ADGRF5: variants seen among roughly 807,000 people sequenced by gnomAD.
ADGRF5 encodes the protein adhesion G protein-coupled receptor F5, also known as G-protein coupled receptor 116.
Under a neutral mutation model 132.3 loss-of-function variants are expected in ADGRF5, and 75 were observed. The observed-to-expected ratio is 0.57, with a 90% CI of 0.47 to 0.69. The LOEUF is 0.69. Ranked by LOEUF, ADGRF5 falls within the 30% of genes least tolerant of loss-of-function variation. The probability of loss-of-function intolerance (pLI) is 0.00; values close to 1 mark genes in which losing one functional copy is unlikely to be tolerated. For synonymous variants in ADGRF5, 629 were observed against 597.6 expected, an observed-to-expected ratio of 1.05 and a Z score of -0.77; for missense variants, 1,516 against 1,630.6, an observed-to-expected ratio of 0.93 and a Z score of 1.21.
intron 16 of ADGRF5, among the ~76,000 whole-genome samples, chr6:46,860,299 C>T (rs755248515): frequency 1.3e-5 from 2 of 152,156 alleles, no homozygotes; most frequent in Non-Finnish European, 2.9e-5. Context: ...ATTAAAGTCT[C>T]TTCATTTGAA....
At chr6:46,933,750 A>G (rs1015878603) in intron 1 of ADGRF5, among the ~76,000 whole-genome samples, 2 of 152,166 alleles carry the variant, frequency 1.3e-5, no homozygotes, top group African/African-American at 4.8e-5. Flanking sequence ...TCTCAGCACA[A>G]TGAGGGGGTC....
intron 2 of ADGRF5, among the ~76,000 whole-genome samples, chr6:46,901,288 C>T (rs759060659): frequency 1.3e-5 from 2 of 152,170 alleles, no homozygotes; most frequent in Non-Finnish European, 2.9e-5. Flanking sequence ...TGCCTGCCTA[C>T]AGGTTTTCCT....
At chr6:46,855,392 C>T (rs1220289225) in intron 20 of ADGRF5, among the ~76,000 whole-genome samples, 4 of 151,960 alleles carry the variant, frequency 2.6e-5, no homozygotes, top group African/African-American at 7.3e-5. Flanking sequence ...TAATTATTAC[C>T]CTATTTTATA....
chr6:46,913,802 GATGTTATACGC>G (rs1253353853), intron 1 of ADGRF5, among the ~76,000 whole-genome samples: 2 of 152,178 alleles, frequency 1.3e-5, no homozygotes, highest in Non-Finnish European at 2.9e-5. Flanking sequence ...CGCAGTAGGT[GATGTTATACGC>G]ATAGCTTTCT....
upstream of ADGRF5, among the ~76,000 whole-genome samples, chr6:46,922,702 A>G (rs940690150): frequency 1.3e-5 from 2 of 152,028 alleles, no homozygotes; most frequent in South Asian, 2.1e-4. Context: ...TTGACTCTCT[A>G]CTCTGGAGCT....
chr6:46,862,703 C>CTTTTTTTTT (rs67565937), intron 15 of ADGRF5, among the ~76,000 whole-genome samples, 185 bp downstream of exon 15: 463 of 26,500 alleles, frequency 0.017, 67 homozygotes, highest in East Asian at 0.04. Flanking sequence ...TGAATTGAGG[C>CTTTTTTTTT]TTTTTTTTTT....
At position 46,858,252 on chromosome 6, in the gene ADGRF5, G is replaced by C; in HGVS notation, c.3651C>G (p.Ile1217Met). 3 of 1,614,060 alleles carry C rather than the reference G, an allele frequency of 1.9e-6. No individual in the cohort carries two copies. The South Asian group carries it at 3.3e-5, about 18-fold the overall frequency. ...GTGTGAGGACCCCAATGCTCTTGCT[G>C]ATCTGAAACAGGCTGCTCTTCTCCT... ...CKQEKSSLFQ[I>M]SKSIGVLTPL... is the part of the protein sequence containing the mutation. The change falls in exon 17 of 21, where the codon ATC becomes ATG. Residue 1217 changes from isoleucine (I) to methionine (M), a missense_variant. Transcript: ENST00000283296.
chr6:46,910,755 C>T (rs904285375), intron 1 of ADGRF5, among the ~76,000 whole-genome samples: 2 of 152,072 alleles, frequency 1.3e-5, no homozygotes, highest in African/African-American at 4.8e-5. Flanking sequence ...AGACACCTGA[C>T]CAGGCAACTG....
At chr6:46,929,092 C>A (rs1054163860) in intron 1 of ADGRF5, among the ~76,000 whole-genome samples, 31 of 152,160 alleles carry the variant, frequency 2.0e-4, no homozygotes, top group African/African-American at 7.5e-4. Context: ...GGAACCAACC[C>A]AAATGTCCAA....
At chr6:46,884,653 C>G (rs1772859723) in intron 4 of ADGRF5, among the ~76,000 whole-genome samples, 1 of 152,194 alleles carries the variant, frequency 6.6e-6, no homozygotes, top group Non-Finnish European at 1.5e-5. Flanking sequence ...TTATATTGTA[C>G]TAGGATTGGT....
intron 20 of ADGRF5, chr6:46,854,852 A>T (rs9367258): frequency 1.5e-6 from 1 of 647,748 alleles, no homozygotes; most frequent in South Asian, 1.5e-5. Flanking sequence ...TTTCATAATC[A>T]GAAGTGAAGG....
At chr6:46,941,142 C>G (rs911368092) in intron 1 of ADGRF5, among the ~76,000 whole-genome samples, 3 of 151,958 alleles carry the variant, frequency 2.0e-5, no homozygotes, top group African/African-American at 7.3e-5. Context: ...TCAGACCAGC[C>G]TAGGCAACAC....
upstream of ADGRF5, among the ~76,000 whole-genome samples, chr6:46,925,928 A>AT (rs776677528): frequency 2.1e-4 from 32 of 151,948 alleles, no homozygotes; most frequent in Non-Finnish European, 4.1e-4. Flanking sequence ...ATTTTCTTTT[A>AT]TTTTTTAAGC....
chr6:46,889,102 C>G (rs371453239), intron 3 of ADGRF5, among the ~76,000 whole-genome samples: 40 of 151,110 alleles, frequency 2.6e-4, no homozygotes, highest in African/African-American at 9.5e-4. Context: ...GGTTACCTGG[C>G]TTGCATTCAA....
chr6:46,883,934 G>A, intron 5 of ADGRF5, among the ~76,000 whole-genome samples, 161 bp downstream of exon 5: 1 of 152,260 alleles, frequency 6.6e-6, no homozygotes, highest in East Asian at 1.9e-4. Context: ...TAGAGGCAGG[G>A]TTTCACCATG....
intron 1 of ADGRF5, among the ~76,000 whole-genome samples, chr6:46,946,388 A>C (rs1778303189): frequency 6.6e-6 from 1 of 152,220 alleles, no homozygotes. Context: ...GCTGAGGTAC[A>C]CTGGGGTAGC....
chr6:46,918,918 G>A (rs1004055771), intron 1 of ADGRF5, among the ~76,000 whole-genome samples: 5 of 152,144 alleles, frequency 3.3e-5, no homozygotes, highest in Admixed American at 3.3e-4. Context: ...CTCAACCCCA[G>A]CTGCATTATA....
intron 1 of ADGRF5, among the ~76,000 whole-genome samples, chr6:46,948,195 C>T (rs1002318086): frequency 2.6e-5 from 4 of 152,072 alleles, no homozygotes; most frequent in Non-Finnish European, 5.9e-5. Context: ...CCTGTAGTAG[C>T]AAAACAAACA....
In ADGRF5 at chr6:46,950,610, G is replaced by C. The variant is rs375351308; in HGVS notation, c.-25+4124C>G. On this transcript the variant is annotated intron_variant, in intron 1 of 20. Coordinates refer to the ADGRF5 transcript ENST00000265417. ...GCTCACTGAAACCTCCGCCTCCCGG[G>C]TTCAAGCAATTCTCCTGCCTCAGCC... Among the ~76,000 whole-genome samples the C allele has an allele frequency of 2.1e-4, 32 of 152,302 alleles. No individual in the cohort carries two copies. The South Asian group carries it at 5.6e-3, about 27-fold the overall frequency.
Sources: allele counts gnomAD v4.1 joint callset (sites outside exome capture counted in the v4.1 genomes callset), GRCh38; gene constraint gnomAD v4.1.1; transcripts MANE v1.5; gene names NCBI Gene and HGNC (gene_info 2026-07-23, HGNC 2026-07-21).